MEGF10: variants seen among roughly 807,000 people sequenced by gnomAD.
MEGF10 encodes multiple epidermal growth factor-like domains protein 10.
Under a neutral mutation model 147.5 loss-of-function variants are expected in MEGF10, and 86 were observed. The ratio of observed to expected loss-of-function variants is 0.58; its 90% CI spans 0.49 to 0.70. The LOEUF is 0.70. Ranked by LOEUF, MEGF10 falls within the 30% of genes least tolerant of loss-of-function variation. MEGF10 has a pLI of 0.00. For synonymous variants in MEGF10, 478 were observed against 525.5 expected, an observed-to-expected ratio of 0.91 and a Z score of 1.24; for missense variants, 1,329 against 1,487.3, an observed-to-expected ratio of 0.89 and a Z score of 1.75.
At chr5:127,389,925 G>A (rs963870427) in intron 5 of MEGF10, among the ~76,000 whole-genome samples, 1 of 152,118 alleles carries the variant, frequency 6.6e-6, no homozygotes, top group African/African-American at 2.4e-5. Flanking sequence ...TTTTAAAAAG[G>A]AAGAGATATG....
rs866384791 is a variant in MEGF10, at chr5:127,391,114, A to G, written c.413-5418A>G. Reference sequence around the variant, plus strand: ...CGCGCGCGCGCGCGCACACACACACACACACACACACACACACACACACAC... The same window carrying G: ...CGCGCGCGCGCGCGCACACACACACGCACACACACACACACACACACACAC... On this transcript the variant is annotated intron_variant, in intron 5 of 24. Coordinates refer to ENST00000503335, the MANE Select transcript of MEGF10 (RefSeq NM_001256545.2). Among the ~76,000 whole-genome samples, 507 of 56,552 alleles carry G rather than the reference A, an allele frequency of 9.0e-3. 5 individuals carry two copies. The highest frequency in any genetic ancestry group is 0.048 in the Middle Eastern group (3 of 62). 37.1% of individuals were successfully genotyped at this position (56,552 alleles called of 152,430 possible). A position where few individuals can be genotyped will look rare whatever the true frequency, so the allele number is the denominator to read the frequency against.
rs531999450 is a variant in MEGF10, at chr5:127,327,963, C to T, written c.-18-3328C>T. 8.5e-5 allele frequency among the ~76,000 whole-genome samples: 13 copies of T among 152,126 alleles called. 1 individual carries two copies. The highest frequency in any genetic ancestry group is 4.2e-4 in the South Asian group (2 of 4,814). On this transcript the variant is annotated intron_variant, in intron 1 of 24. Coordinates refer to ENST00000503335, the MANE Select transcript of MEGF10 (RefSeq NM_001256545.2). Reference sequence around the variant, plus strand: ...AACTCCTGACCTCAGGTGATCCACCCGCCTCTGCCTCCCAAAGTGCTGGGA... The same window carrying T: ...AACTCCTGACCTCAGGTGATCCACCTGCCTCTGCCTCCCAAAGTGCTGGGA...
chr5:127,400,398 C>G (rs757602654), intron 7 of MEGF10, among the ~76,000 whole-genome samples: 1 of 152,104 alleles, frequency 6.6e-6, no homozygotes, highest in Admixed American at 6.5e-5. Flanking sequence ...ACTTGTACAC[C>G]CAAGCCTTTA....
chr5:127,409,248 G>C (rs1764457820), intron 8 of MEGF10, among the ~76,000 whole-genome samples: 1 of 152,158 alleles, frequency 6.6e-6, no homozygotes, highest in Admixed American at 6.5e-5. Context: ...TTGTTATTAT[G>C]CCTTACTGCT....
the MEGF10 span, among the ~76,000 whole-genome samples, chr5:127,253,180 T>A: frequency 6.6e-6 from 1 of 152,124 alleles, no homozygotes; most frequent in East Asian, 1.9e-4. Context: ...TAGAGGTGAC[T>A]TTTCCACCTA....
At chr5:127,450,847 C>T (rs71587936) in intron 22 of MEGF10, among the ~76,000 whole-genome samples, 1 of 152,068 alleles carries the variant, frequency 6.6e-6, no homozygotes, top group Non-Finnish European at 1.5e-5. Flanking sequence ...CAAGATCTGC[C>T]TTCTGGATTC....
intron 10 of MEGF10, among the ~76,000 whole-genome samples, chr5:127,418,830 G>A (rs1483383329): frequency 6.7e-6 from 1 of 149,714 alleles, no homozygotes; most frequent in Non-Finnish European, 1.5e-5. Context: ...AATGAAAAAG[G>A]GTTTTTATTG....
intron 5 of MEGF10, among the ~76,000 whole-genome samples, chr5:127,375,250 G>T (rs1477302240): frequency 6.6e-6 from 1 of 152,050 alleles, no homozygotes; most frequent in Non-Finnish European, 1.5e-5. Flanking sequence ...TAAAATACAT[G>T]GGTGATTAAG....
chr5:127,423,915 T>C (rs894475146), intron 13 of MEGF10, among the ~76,000 whole-genome samples: 7 of 152,324 alleles, frequency 4.6e-5, no homozygotes, highest in African/African-American at 1.7e-4. Flanking sequence ...TCATTGCTTG[T>C]GCTTTTGGTG....
At chr5:127,267,652 AG>A in the MEGF10 span, among the ~76,000 whole-genome samples, 1 of 152,086 alleles carries the variant, frequency 6.6e-6, no homozygotes, top group African/African-American at 2.4e-5. Flanking sequence ...TAATCTTGGG[AG>A]GGTGTATGTG....
chr5:127,454,715 A>G, intron 23 of MEGF10, 105 bp downstream of exon 23: 2 of 1,022,856 alleles, frequency 2.0e-6, no homozygotes, highest in Non-Finnish European at 2.8e-6. Context: ...GAGAAAATGT[A>G]GAATTTTTAG....
At chr5:127,347,488 A>G (rs1285970872) in intron 4 of MEGF10, among the ~76,000 whole-genome samples, 1 of 152,050 alleles carries the variant, frequency 6.6e-6, no homozygotes, top group Non-Finnish European at 1.5e-5. Flanking sequence ...CTTTTTTGTT[A>G]TATACATTAA....
At chr5:127,340,444 A>C in intron 3 of MEGF10, 86 bp from the exon 4 acceptor site, 6 of 976,024 alleles carry the variant, frequency 6.1e-6, no homozygotes, top group Non-Finnish European at 9.6e-6. Flanking sequence ...CTAGACATGT[A>C]TTCCATATTT....
At chr5:127,245,700 A>C in the MEGF10 span, among the ~76,000 whole-genome samples, 1 of 152,240 alleles carries the variant, frequency 6.6e-6, no homozygotes, top group Non-Finnish European at 1.5e-5. Context: ...AAGTTTTGCA[A>C]ACTATCCATC....
the MEGF10 span, among the ~76,000 whole-genome samples, chr5:127,235,788 A>T: frequency 6.6e-5 from 10 of 152,322 alleles, no homozygotes; most frequent in Admixed American, 2.0e-4. Context: ...TTTGAATTGT[A>T]TTGTTTTTGT....
At chr5:127,437,789 G>A (rs556844419) in intron 16 of MEGF10, among the ~76,000 whole-genome samples, 1 of 152,234 alleles carries the variant, frequency 6.6e-6, no homozygotes, top group Non-Finnish European at 1.5e-5. Flanking sequence ...GGAGCCTGAA[G>A]TGGCAACTCT....
In MEGF10 at chr5:127,346,845, G is replaced by A. The variant is rs553123682; in HGVS notation, c.319+6215G>A. Among the ~76,000 whole-genome samples, 302 of 152,148 alleles carry A rather than the reference G, an allele frequency of 2.0e-3. 2 individuals carry two copies. Among genetic ancestry groups the A allele is most frequent in the African/African-American group, 7.0e-3 (289 of 41,546 alleles). On this transcript the variant is annotated intron_variant, in intron 4 of 24. Coordinates refer to ENST00000503335, the MANE Select transcript of MEGF10 (RefSeq NM_001256545.2). ...GAGACCAGAAGTGTTTCAGATTTTG[G>A]ATTTTTTTGAGTTTAGGAATATTTT...
intron 4 of MEGF10, among the ~76,000 whole-genome samples, chr5:127,346,996 G>A (rs374873150): frequency 1.3e-5 from 2 of 152,104 alleles, no homozygotes; most frequent in South Asian, 2.1e-4. Context: ...ATAATTTTGT[G>A]TATGGAACAA....
At chr5:127,402,720 T>C in intron 8 of MEGF10, 38 bp downstream of exon 8, 1 of 1,608,158 alleles carries the variant, frequency 6.2e-7, no homozygotes, top group Non-Finnish European at 8.5e-7. Context: ...CTGTTTATAA[T>C]GATGTGAAAG....
Sources: gnomAD v4.1 joint callset for allele counts (sites outside exome capture counted in the v4.1 genomes callset) on GRCh38, gnomAD v4.1.1 for gene constraint, MANE v1.5 for transcripts, NCBI Gene and HGNC (gene_info 2026-07-23, HGNC 2026-07-21) for gene names.